Variants in KIAA1549L observed in about 807,000 individuals in gnomAD.
KIAA1549L encodes UPF0606 protein KIAA1549L.
In KIAA1549L, 88 loss-of-function variants were observed where a neutral mutation model predicts 160.7. That is an observed-to-expected ratio of 0.55 (90% confidence interval 0.46 to 0.65). KIAA1549L has a LOEUF of 0.65. Ranked by LOEUF, KIAA1549L falls within the 30% of genes least tolerant of loss-of-function variation. KIAA1549L has a pLI of 0.00. For synonymous variants in KIAA1549L, 950 were observed against 976.7 expected (o/e 0.97, Z 0.51); for missense variants, 2,258 against 2,437.5 (o/e 0.93, Z 1.55).
In KIAA1549L at chr11:33,449,879, C is replaced by T. The variant is rs145183708; in HGVS notation, c.238+72990C>T. 3.4e-4 allele frequency among the ~76,000 whole-genome samples: 52 copies of T among 152,282 alleles called. 1 individual carries two copies. In the East Asian group the frequency reaches 8.7e-3, roughly 25 times the overall value. On this transcript the variant is annotated intron_variant, in intron 1 of 20. Transcript: ENST00000658780. Reference sequence around the variant, plus strand: ...ATAAGCCCTACCTATTTGACCAGCTCACCGATTTTTAACTCCCGGACTCAG... The same window carrying T: ...ATAAGCCCTACCTATTTGACCAGCTTACCGATTTTTAACTCCCGGACTCAG...
intron 16 of KIAA1549L, among the ~76,000 whole-genome samples, chr11:33,623,924 G>A (rs540130608): frequency 1.3e-5 from 2 of 152,242 alleles, no homozygotes; most frequent in East Asian, 3.9e-4. Flanking sequence ...TCTGGACCCT[G>A]TCTGCTCTTA....
intron 1 of KIAA1549L, among the ~76,000 whole-genome samples, chr11:33,458,219 T>C (rs1482233032): frequency 1.3e-5 from 2 of 152,202 alleles, no homozygotes; most frequent in Non-Finnish European, 2.9e-5. Context: ...GTGAGAATTC[T>C]GTGTTTGAAG....
chr11:33,425,560 T>A (rs1434961548), intron 1 of KIAA1549L, among the ~76,000 whole-genome samples: 1 of 152,224 alleles, frequency 6.6e-6, no homozygotes, highest in African/African-American at 2.4e-5. Context: ...TAAATATTCA[T>A]GGGAGACATC....
chr11:33,460,152 G>A (rs771438526), intron 1 of KIAA1549L, among the ~76,000 whole-genome samples: 3 of 152,084 alleles, frequency 2.0e-5, no homozygotes, highest in Non-Finnish European at 4.4e-5. Flanking sequence ...CTTGGACAGG[G>A]CCACCTGTAT....
At chr11:33,536,075 A>G (rs1853886802) in intron 1 of KIAA1549L, among the ~76,000 whole-genome samples, 1 of 152,214 alleles carries the variant, frequency 6.6e-6, no homozygotes, top group African/African-American at 2.4e-5. Flanking sequence ...GTTCTTAACC[A>G]ATTTTTGGCT....
At chr11:33,385,945 A>G (rs1850164825) in intron 1 of KIAA1549L, among the ~76,000 whole-genome samples, 1 of 151,950 alleles carries the variant, frequency 6.6e-6, no homozygotes, top group African/African-American at 2.4e-5. Context: ...ATATCATATG[A>G]CCCTCCTAAA....
At chr11:33,390,023 G>T (rs1197424793) in intron 1 of KIAA1549L, among the ~76,000 whole-genome samples, 1 of 152,210 alleles carries the variant, frequency 6.6e-6, no homozygotes, top group African/African-American at 2.4e-5. Context: ...ATAATTAATT[G>T]ATAGAAATAA....
chr11:33,436,548 C>T (rs912423883), intron 1 of KIAA1549L, among the ~76,000 whole-genome samples: 1 of 152,248 alleles, frequency 6.6e-6, no homozygotes. Context: ...CACAGACACA[C>T]TCAGGAAGAA....
intron 1 of KIAA1549L, among the ~76,000 whole-genome samples, chr11:33,469,761 A>G (rs1353385373): frequency 6.6e-6 from 1 of 152,186 alleles, no homozygotes; most frequent in East Asian, 1.9e-4. Flanking sequence ...GTATTTCCCT[A>G]ATGGCTAATG....
At chr11:33,509,530 T>C (rs1050969105) in intron 1 of KIAA1549L, among the ~76,000 whole-genome samples, 1 of 152,168 alleles carries the variant, frequency 6.6e-6, no homozygotes, top group Non-Finnish European at 1.5e-5. Context: ...TGAAGGTTAA[T>C]GTTCGGTTTC....
chr11:33,568,397 A>G (rs1855129415), intron 9 of KIAA1549L, among the ~76,000 whole-genome samples, 170 bp downstream of exon 9: 1 of 152,192 alleles, frequency 6.6e-6, no homozygotes, highest in African/African-American at 2.4e-5. Context: ...GGTCATAACC[A>G]TCAAAAACAT....
intron 15 of KIAA1549L, 90 bp from the exon 16 acceptor site, chr11:33,618,443 C>T (rs1188892185): frequency 8.3e-7 from 1 of 1,202,176 alleles, no homozygotes; most frequent in Non-Finnish European, 1.1e-6. Flanking sequence ...AAATCCAAAC[C>T]CTTCATTGGT....
At chr11:33,650,160 T>A (rs1028111221) in intron 17 of KIAA1549L, among the ~76,000 whole-genome samples, 2 of 152,154 alleles carry the variant, frequency 1.3e-5, no homozygotes, top group African/African-American at 4.8e-5. Flanking sequence ...CCAGATATGA[T>A]TCTATCTATC....
chr11:33,521,441 A>G (rs1054504392), intron 1 of KIAA1549L, among the ~76,000 whole-genome samples: 1 of 152,222 alleles, frequency 6.6e-6, no homozygotes, highest in Non-Finnish European at 1.5e-5. Flanking sequence ...GTCCCTTCCT[A>G]ATAGCATTGT....
At chr11:33,523,321 A>G (rs1039267111) in intron 1 of KIAA1549L, among the ~76,000 whole-genome samples, 4 of 152,212 alleles carry the variant, frequency 2.6e-5, no homozygotes. Context: ...TTACCACAGG[A>G]CTTTTCAAAG....
intron 16 of KIAA1549L, among the ~76,000 whole-genome samples, chr11:33,635,099 C>T (rs995061737): frequency 6.6e-6 from 1 of 152,202 alleles, no homozygotes; most frequent in Non-Finnish European, 1.5e-5. Flanking sequence ...AAAGGTCTCT[C>T]TGCTCCTGTA....
intron 1 of KIAA1549L, among the ~76,000 whole-genome samples, chr11:33,539,471 T>C (rs181161069): frequency 1.1e-3 from 167 of 152,312 alleles, no homozygotes; most frequent in African/African-American, 3.8e-3. Flanking sequence ...TGACATAAAA[T>C]AGCAAAGGCT....
chr11:33,411,763 T>C (rs1450869689), intron 1 of KIAA1549L, among the ~76,000 whole-genome samples: 1 of 152,224 alleles, frequency 6.6e-6, no homozygotes, highest in East Asian at 1.9e-4. Context: ...AGGAACATTG[T>C]GTTTGTATGA....
chr11:33,410,557 C>CT (rs1312757037), intron 1 of KIAA1549L, among the ~76,000 whole-genome samples: 2 of 152,224 alleles, frequency 1.3e-5, no homozygotes, highest in African/African-American at 4.8e-5. Context: ...CCATCTCATA[C>CT]TTTGCTTTCC....
Sources: allele counts gnomAD v4.1 joint callset (sites outside exome capture counted in the v4.1 genomes callset), GRCh38; gene constraint gnomAD v4.1.1; transcripts MANE v1.5; gene names NCBI Gene and HGNC (gene_info 2026-07-23, HGNC 2026-07-21).